Variants in EPHB1 observed in about 807,000 individuals in gnomAD.
The protein encoded by EPHB1 is EPH receptor B1, also known as ephrin type-B receptor 1.
In EPHB1, 30 loss-of-function variants were observed where a neutral mutation model predicts 94.4. The observed-to-expected ratio is 0.32, with a 90% CI of 0.24 to 0.43. EPHB1 has a LOEUF of 0.43. Ranked by LOEUF, EPHB1 falls within the 20% of genes least tolerant of loss-of-function variation. The pLI is 1.00. For missense variants in EPHB1, 1,055 were observed against 1,308.3 expected (o/e 0.81, Z 2.99); for synonymous variants, 522 against 489.1 (o/e 1.07, Z -0.89).
intron 3 of EPHB1, among the ~76,000 whole-genome samples, chr3:135,092,770 C>T (rs1406785355): frequency 6.6e-6 from 1 of 152,196 alleles, no homozygotes; most frequent in Non-Finnish European, 1.5e-5. Flanking sequence ...GGACTACAGG[C>T]ATGCGCCACT....
chr3:134,933,567 C>A (rs1009069604), intron 2 of EPHB1, among the ~76,000 whole-genome samples: 1 of 152,166 alleles, frequency 6.6e-6, no homozygotes, highest in Non-Finnish European at 1.5e-5. Flanking sequence ...AAATCTATCA[C>A]TGTATGACAG....
chr3:134,889,111 A>G (rs2037916540), intron 1 of EPHB1, among the ~76,000 whole-genome samples: 1 of 152,218 alleles, frequency 6.6e-6, no homozygotes, highest in Non-Finnish European at 1.5e-5. Context: ...GTGAGCAGAT[A>G]TGATTCACAT....
intron 3 of EPHB1, among the ~76,000 whole-genome samples, chr3:134,958,413 AGT>A (rs3067407): frequency 0.012 from 1,127 of 97,474 alleles, 6 homozygotes; most frequent in Middle Eastern, 0.029. Flanking sequence ...AACACAAGGG[AGT>A]GTGTGTGTGT....
chr3:135,057,559 G>C (rs572014036), intron 3 of EPHB1, among the ~76,000 whole-genome samples: 1 of 152,200 alleles, frequency 6.6e-6, no homozygotes, highest in East Asian at 1.9e-4. Flanking sequence ...AGGCAGTCTG[G>C]GTTCTGGCTC....
intron 4 of EPHB1, among the ~76,000 whole-genome samples, chr3:135,118,222 A>G (rs1939792565): frequency 6.6e-6 from 1 of 152,292 alleles, no homozygotes; most frequent in East Asian, 1.9e-4. Flanking sequence ...GTTGTGAAGC[A>G]CCAAGTCTTC....
rs1401381788 is a variant in EPHB1, at chr3:135,100,271, C to G, written c.806-6177C>G. Among the ~76,000 whole-genome samples, 14 of 152,008 alleles carry G rather than the reference C, an allele frequency of 9.2e-5. No individual in the cohort carries two copies. In the East Asian group the frequency reaches 2.3e-3, roughly 25 times the overall value. ...CTGCATAAAAATGTTGTTTTTGAGG[C>G]CTCATCTGAGAGGGGGAAGGGCAGA... On this transcript the variant is annotated intron_variant, in intron 3 of 15. Coordinates refer to ENST00000398015, the MANE Select transcript of EPHB1 (RefSeq NM_004441.5).
At chr3:134,868,339 A>G (rs2037423530) in intron 1 of EPHB1, among the ~76,000 whole-genome samples, 1 of 152,214 alleles carries the variant, frequency 6.6e-6, no homozygotes, top group Non-Finnish European at 1.5e-5. Flanking sequence ...CCACTGCCCT[A>G]TGGGTGGTAA....
intron 5 of EPHB1, among the ~76,000 whole-genome samples, chr3:135,141,131 G>A (rs1194740742): frequency 1.3e-5 from 2 of 149,820 alleles, no homozygotes; most frequent in Admixed American, 6.7e-5. Context: ...AAGCGTGTGC[G>A]CTTCTTTCCT....
chr3:134,978,345 G>T (rs1005238617), intron 3 of EPHB1, among the ~76,000 whole-genome samples: 1 of 152,068 alleles, frequency 6.6e-6, no homozygotes, highest in Admixed American at 6.5e-5. Flanking sequence ...TGGTCCTGTC[G>T]ACCTATGGGA....
intron 3 of EPHB1, among the ~76,000 whole-genome samples, chr3:135,087,362 T>C (rs1938396044): frequency 6.6e-6 from 1 of 152,180 alleles, no homozygotes; most frequent in African/African-American, 2.4e-5. Context: ...GGGAGCAATA[T>C]TGTTTTATGG....
At chr3:135,216,962 T>A (rs745589201) in intron 12 of EPHB1, among the ~76,000 whole-genome samples, 19 of 152,148 alleles carry the variant, frequency 1.2e-4, no homozygotes, top group South Asian at 4.1e-4. Context: ...CAGTTCGGTG[T>A]GCCTGATGGG....
intron 3 of EPHB1, among the ~76,000 whole-genome samples, chr3:135,054,101 A>G (rs1156259970): frequency 6.6e-6 from 1 of 151,602 alleles, no homozygotes; most frequent in African/African-American, 2.4e-5. Flanking sequence ...AATTTATATC[A>G]TATAATTACC....
chr3:135,026,083 G>T (rs1385209433), intron 3 of EPHB1, among the ~76,000 whole-genome samples: 3 of 97,304 alleles, frequency 3.1e-5, no homozygotes, highest in East Asian at 1.1e-3. Flanking sequence ...TTGTAAATTT[G>T]TTTGAGTTCA....
chr3:134,927,962 G>A (rs757107977), intron 2 of EPHB1, among the ~76,000 whole-genome samples: 8 of 152,314 alleles, frequency 5.3e-5, no homozygotes, highest in Non-Finnish European at 1.0e-4. Context: ...TCCATCCCAG[G>A]CCTGCTTGTC....
chr3:135,244,103 G>A (rs937893966), intron 13 of EPHB1, among the ~76,000 whole-genome samples: 10 of 152,144 alleles, frequency 6.6e-5, no homozygotes, highest in South Asian at 2.1e-4. Context: ...TCCCAGAGGC[G>A]TTCTAGTCAC....
At chr3:134,831,887 C>T (rs184585556) in intron 1 of EPHB1, among the ~76,000 whole-genome samples, 15 of 152,254 alleles carry the variant, frequency 9.9e-5, no homozygotes, top group African/African-American at 3.6e-4. Context: ...TTCTATGATA[C>T]GCTTGAGAGA....
At chr3:134,995,166 A>G (rs1934948678) in intron 3 of EPHB1, among the ~76,000 whole-genome samples, 1 of 152,122 alleles carries the variant, frequency 6.6e-6, no homozygotes, top group South Asian at 2.1e-4. Flanking sequence ...ATCACTGACA[A>G]TCAATGTGTT....
chr3:134,925,721 C>T, intron 1 of EPHB1, 95 bp from the exon 2 acceptor site: 1 of 1,023,968 alleles, frequency 9.8e-7, no homozygotes, highest in East Asian at 2.8e-5. Flanking sequence ...CTGTCATTTA[C>T]TATCACAAAC....
intron 1 of EPHB1, among the ~76,000 whole-genome samples, chr3:134,796,820 G>T (rs936225185): frequency 6.6e-6 from 1 of 152,256 alleles, no homozygotes; most frequent in African/African-American, 2.4e-5. Context: ...TCCTCTGGGG[G>T]ACTCCAAGCC....
Sources: gnomAD v4.1 joint callset for allele counts (sites outside exome capture counted in the v4.1 genomes callset) on GRCh38, gnomAD v4.1.1 for gene constraint, MANE v1.5 for transcripts, NCBI Gene and HGNC (gene_info 2026-07-23, HGNC 2026-07-21) for gene names.